Variants in CCNY observed in about 807,000 individuals in gnomAD.
CCNY encodes the protein cyclin Y, also known as cyclin-Y.
Under a neutral mutation model 42.8 loss-of-function variants are expected in CCNY, and 19 were observed. The ratio of observed to expected loss-of-function variants is 0.44; its 90% CI spans 0.31 to 0.65. The LOEUF (loss-of-function observed/expected upper bound fraction) is 0.65, where lower values mean the gene tolerates loss of function less well. Ranked by LOEUF, CCNY falls within the 30% of genes least tolerant of loss-of-function variation. CCNY has a pLI of 0.07. For missense variants in CCNY, 370 were observed against 437.3 expected (o/e 0.85, Z 1.37); for synonymous variants, 165 against 162.7 (o/e 1.01, Z -0.11).
At chr10:35,269,783 C>G (rs1835140138) in intron 3 of CCNY, among the ~76,000 whole-genome samples, 1 of 151,926 alleles carries the variant, frequency 6.6e-6, no homozygotes, top group Non-Finnish European at 1.5e-5. Context: ...GTGCCCACCA[C>G]CATGCCCGGC....
chr10:35,430,589 C>T (rs1838368954), intron 1 of CCNY, among the ~76,000 whole-genome samples: 1 of 152,102 alleles, frequency 6.6e-6, no homozygotes, highest in Non-Finnish European at 1.5e-5. Flanking sequence ...ATAATAACAA[C>T]TGTAGTGTAG....
intron 3 of CCNY, among the ~76,000 whole-genome samples, chr10:35,330,281 G>T (rs1835927030): frequency 6.6e-6 from 1 of 152,178 alleles, no homozygotes; most frequent in South Asian, 2.1e-4. Flanking sequence ...TTAAAGTAAT[G>T]CATCTGACAA....
chr10:35,478,913 A>G (rs1485051756), intron 1 of CCNY, among the ~76,000 whole-genome samples: 1 of 152,242 alleles, frequency 6.6e-6, no homozygotes, highest in Non-Finnish European at 1.5e-5. Flanking sequence ...ACAAATTTAC[A>G]AGAAAAACAA....
intron 1 of CCNY, among the ~76,000 whole-genome samples, chr10:35,372,283 T>C (rs1294786930): frequency 1.3e-5 from 2 of 152,222 alleles, no homozygotes; most frequent in African/African-American, 4.8e-5. Context: ...CTTCATTTTT[T>C]TCTGTCGATT....
At chr10:35,446,919 G>A (rs974641550) in intron 1 of CCNY, among the ~76,000 whole-genome samples, 9 of 152,214 alleles carry the variant, frequency 5.9e-5, no homozygotes, top group Non-Finnish European at 1.3e-4. Flanking sequence ...AATTTCTAAT[G>A]TAATTTTTAG....
chr10:35,467,526 A>G (rs1839295017), intron 1 of CCNY, among the ~76,000 whole-genome samples: 3 of 152,354 alleles, frequency 2.0e-5, no homozygotes, highest in Admixed American at 6.5e-5. Context: ...TGATTTCTAT[A>G]TGTCAGTTTG....
At chr10:35,368,224 C>T (rs550506806) in intron 1 of CCNY, among the ~76,000 whole-genome samples, 2 of 152,300 alleles carry the variant, frequency 1.3e-5, no homozygotes, top group South Asian at 4.1e-4. Context: ...AGCTGCATGA[C>T]CTTCGGTGAG....
At chr10:35,380,609 A>G (rs1400445740) in intron 1 of CCNY, among the ~76,000 whole-genome samples, 1 of 152,358 alleles carries the variant, frequency 6.6e-6, no homozygotes, top group African/African-American at 2.4e-5. Flanking sequence ...ACTATCACAT[A>G]TAGAGCACTT....
chr10:35,429,357 A>G (rs1838335695), intron 1 of CCNY, among the ~76,000 whole-genome samples: 1 of 152,248 alleles, frequency 6.6e-6, no homozygotes, highest in South Asian at 2.1e-4. Context: ...TACTATTGTT[A>G]TCTTAAAATG....
chr10:35,250,106 G>A (rs1411228627), intron 2 of CCNY, among the ~76,000 whole-genome samples: 1 of 151,394 alleles, frequency 6.6e-6, no homozygotes, highest in Non-Finnish European at 1.5e-5. Flanking sequence ...AGGCAGGAGA[G>A]TGGCGTGAAC....
At chr10:35,563,092 G>C (rs896408710) in intron 8 of CCNY, among the ~76,000 whole-genome samples, 1 of 152,016 alleles carries the variant, frequency 6.6e-6, no homozygotes, top group Non-Finnish European at 1.5e-5. Flanking sequence ...CATCACGTTA[G>C]TTTTCTGATA....
intron 3 of CCNY, among the ~76,000 whole-genome samples, chr10:35,313,902 G>A (rs1158800348): frequency 6.6e-6 from 1 of 151,298 alleles, no homozygotes; most frequent in Non-Finnish European, 1.5e-5. Flanking sequence ...CTTCAGCCTG[G>A]GAGGCGGAGG....
intron 1 of CCNY, among the ~76,000 whole-genome samples, chr10:35,346,551 G>A (rs2135129585): frequency 6.6e-6 from 1 of 152,342 alleles, no homozygotes; most frequent in East Asian, 1.9e-4. Context: ...TTGCCAGGAA[G>A]GTTGCTTTTC....
intron 7 of CCNY, among the ~76,000 whole-genome samples, chr10:35,545,424 T>C (rs1841092057): frequency 6.6e-6 from 1 of 152,212 alleles, no homozygotes; most frequent in African/African-American, 2.4e-5. Flanking sequence ...AAGGTTCTGC[T>C]CCAGGCCTCT....
chr10:35,279,499 T>A (rs995514877), intron 3 of CCNY, among the ~76,000 whole-genome samples: 1 of 152,142 alleles, frequency 6.6e-6, no homozygotes, highest in African/African-American at 2.4e-5. Flanking sequence ...TTTTCCCTCA[T>A]GGAACAGTGT....
intron 1 of CCNY, among the ~76,000 whole-genome samples, chr10:35,377,098 G>A (rs1308046983): frequency 3.3e-5 from 5 of 152,172 alleles, no homozygotes; most frequent in African/African-American, 1.2e-4. Flanking sequence ...GATTATAATG[G>A]AACTGAAAAA....
chr10:35,282,678 G>A (rs1269432737), intron 3 of CCNY, among the ~76,000 whole-genome samples: 1 of 146,590 alleles, frequency 6.8e-6, no homozygotes, highest in African/African-American at 2.5e-5. Context: ...AGCCAAGATC[G>A]CGCCACTGCA....
intron 3 of CCNY, among the ~76,000 whole-genome samples, chr10:35,265,240 T>C (rs938186708): frequency 6.6e-6 from 1 of 152,176 alleles, no homozygotes; most frequent in African/African-American, 2.4e-5. Flanking sequence ...AGGGTATTAG[T>C]AGACTGGTGA....
rs545759587 is a variant in CCNY at position 35,521,056 on chromosome 10, A to G, written c.365+4433A>G. Among the ~76,000 whole-genome samples, 8 of 152,350 alleles carry G rather than the reference A, an allele frequency of 5.3e-5. No homozygotes were observed. The South Asian group carries it at 8.3e-4, about 16-fold the overall frequency. On this transcript the variant is annotated intron_variant, in intron 4 of 9. Transcript: ENST00000374704. ...AGAACTCACCCCCTCTTGCCCTTCAAAGGTTTTAGGATTGTCATATACATT... is the reference window on the plus strand; with the variant it reads ...AGAACTCACCCCCTCTTGCCCTTCAGAGGTTTTAGGATTGTCATATACATT...
Sources: gnomAD v4.1 joint callset for allele counts (sites outside exome capture counted in the v4.1 genomes callset) on GRCh38, gnomAD v4.1.1 for gene constraint, MANE v1.5 for transcripts, NCBI Gene and HGNC (gene_info 2026-07-23, HGNC 2026-07-21) for gene names.